CDH12: variants seen among roughly 807,000 people sequenced by gnomAD.
CDH12 encodes the protein cadherin-12.
In CDH12, 41 loss-of-function variants were observed where a neutral mutation model predicts 74.1. That is an observed-to-expected ratio of 0.55 (90% CI 0.43 to 0.72). The LOEUF (loss-of-function observed/expected upper bound fraction) is 0.72, where lower values mean the gene tolerates loss of function less well. Ranked by LOEUF, CDH12 falls within the 30% of genes least tolerant of loss-of-function variation. The pLI, the probability that CDH12 is intolerant of heterozygous loss-of-function variation, is 0.00. For missense variants in CDH12, 945 were observed against 977.2 expected (o/e 0.97, Z 0.44); for synonymous variants, 399 against 355.0 (o/e 1.12, Z -1.39).
intron 4 of CDH12, among the ~76,000 whole-genome samples, chr5:22,203,186 A>G (rs1751019582): frequency 6.6e-6 from 1 of 152,204 alleles, no homozygotes; most frequent in African/African-American, 2.4e-5. Context: ...GCAATGGAAT[A>G]CTAGAACTTA....
At chr5:21,889,978 C>T (rs1752823789) in intron 6 of CDH12, 2 of 282,816 alleles carry the variant, frequency 7.1e-6, no homozygotes, top group Non-Finnish European at 1.1e-5. Context: ...TTCCTTCTTA[C>T]AACTATATTT....
chr5:21,880,467 T>TTTCCTTCCTTCC lies in CDH12; in HGVS notation c.527-25689_527-25678dup, dbSNP rs1207307885. On this transcript the variant is annotated intron_variant, in intron 6 of 14. Transcript: ENST00000382254. ...CCTTCTTTCCTTCCTTCCTTCCTTC[T>TTTCCTTCCTTCC]TTCCTTCCTTCCTTCCTTCCTTCCT... 8.2e-3 allele frequency among the ~76,000 whole-genome samples: 698 copies of TTTCCTTCCTTCC among 84,862 alleles called. 48 individuals are homozygous for TTTCCTTCCTTCC. The highest frequency in any genetic ancestry group is 0.027 in the African/African-American group (585 of 21,890). The allele number at this position is 84,862 out of a possible 152,430, so 55.7% of individuals were successfully genotyped here. A position where few individuals can be genotyped will look rare whatever the true frequency, so the allele number is the denominator to read the frequency against.
At chr5:22,403,509 C>T (rs1409871405) in intron 3 of CDH12, among the ~76,000 whole-genome samples, 1 of 152,148 alleles carries the variant, frequency 6.6e-6, no homozygotes, top group African/African-American at 2.4e-5. Context: ...CAATGTTCTC[C>T]AGATACAGAA....
intron 2 of CDH12, among the ~76,000 whole-genome samples, chr5:22,441,090 G>A (rs1290908740): frequency 4.6e-5 from 7 of 152,184 alleles, no homozygotes; most frequent in African/African-American, 1.7e-4. Context: ...TATATACAGA[G>A]GGCCTACTAT....
intron 3 of CDH12, among the ~76,000 whole-genome samples, chr5:22,222,015 T>TG (rs1017519255): frequency 6.6e-6 from 1 of 151,948 alleles, no homozygotes; most frequent in Non-Finnish European, 1.5e-5. Context: ...CAATATGTGT[T>TG]TAAGTACAAG....
intron 1 of CDH12, among the ~76,000 whole-genome samples, chr5:22,521,579 ATGGTAACCTATT>A (rs1327402450): frequency 3.3e-5 from 5 of 152,204 alleles, no homozygotes; most frequent in African/African-American, 9.6e-5. Context: ...AACTGTTAGA[ATGGTAACCTATT>A]ACATTTAGGT....
At chr5:21,800,656 A>G (rs1747060976) in intron 10 of CDH12, among the ~76,000 whole-genome samples, 1 of 152,176 alleles carries the variant, frequency 6.6e-6, no homozygotes, top group African/African-American at 2.4e-5. Context: ...TACTTAAGTC[A>G]TCCAGTGATA....
intron 1 of CDH12, among the ~76,000 whole-genome samples, chr5:22,691,417 C>T (rs2126943869): frequency 6.6e-6 from 1 of 152,286 alleles, no homozygotes. Flanking sequence ...GGACTAGGAC[C>T]ATGGCTCTGC....
At chr5:22,752,617 T>G (rs4345275) in intron 1 of CDH12, among the ~76,000 whole-genome samples, 22,806 of 22,818 alleles carry the variant, frequency 1, 11,399 homozygotes, top group Middle Eastern at 1. Context: ...TGTCGCCCAG[T>G]CTGGAGTGCA....
At chr5:22,296,992 C>T (rs199626020) in intron 3 of CDH12, among the ~76,000 whole-genome samples, 3 of 31,362 alleles carry the variant, frequency 9.6e-5, no homozygotes, top group Non-Finnish European at 3.0e-4. Flanking sequence ...TTCTTTCTTT[C>T]TTTTTTAATT....
rs1327860029 is a variant in CDH12, at chr5:22,078,640, C to G, written c.37G>C (p.Val13Leu). ...TRNCLSLLLW[V>L]LFDGGLLTPL... ...GTTAGGAGACCTCCATCAAACAGAACCCAGAGAAGCAGGGATAAACAGTTC... is the reference window on the plus strand; with the variant it reads ...GTTAGGAGACCTCCATCAAACAGAAGCCAGAGAAGCAGGGATAAACAGTTC... Residue 13 changes from valine (V) to leucine (L), a missense_variant, in exon 5 of 15, where the codon GTT becomes CTT. Physicochemically the swap from Val to Leu is conservative, Grantham distance 32. Transcript: ENST00000382254. The G allele has an allele frequency of 6.2e-7, 1 of 1,613,594 alleles. No individual in the cohort carries two copies. The highest frequency in any genetic ancestry group is 8.5e-7 in the Non-Finnish European group (1 of 1,179,776).
chr5:22,687,169 C>T (rs2126937505), intron 1 of CDH12, among the ~76,000 whole-genome samples: 1 of 152,228 alleles, frequency 6.6e-6, no homozygotes, highest in East Asian at 1.9e-4. Flanking sequence ...TGGCCTGTGC[C>T]TGTAATCCCA....
rs758427112 is a variant in CDH12 at position 22,438,948 on chromosome 5, CT to C, written c.-427-33598del. On this transcript the variant is annotated intron_variant, in intron 2 of 14. Coordinates refer to ENST00000382254, the MANE Select transcript of CDH12 (RefSeq NM_004061.5). ...TGATAATGTGAAAATGACAATGGGCCTCTAATTTATCTGTGCTGATGACAGA... is the reference window on the plus strand; with the variant it reads ...TGATAATGTGAAAATGACAATGGGCCCTAATTTATCTGTGCTGATGACAGA... Among the ~76,000 whole-genome samples the C allele has an allele frequency of 3.3e-5, 5 of 151,470 alleles. No individual in the cohort carries two copies. In the East Asian group the frequency reaches 9.7e-4, roughly 29 times the overall value.
At chr5:22,807,880 C>T (rs1748896842) in intron 1 of CDH12, among the ~76,000 whole-genome samples, 1 of 152,120 alleles carries the variant, frequency 6.6e-6, no homozygotes, top group African/African-American at 2.4e-5. Flanking sequence ...TGAGACATTA[C>T]TGTACATGAT....
At chr5:22,187,345 A>T (rs1357322932) in intron 4 of CDH12, among the ~76,000 whole-genome samples, 1 of 152,240 alleles carries the variant, frequency 6.6e-6, no homozygotes, top group African/African-American at 2.4e-5. Context: ...AAAAGGCTGC[A>T]ACAGGAAAGC....
chr5:21,996,105 GTTTT>G (rs61516659), intron 5 of CDH12, among the ~76,000 whole-genome samples: 8 of 113,626 alleles, frequency 7.0e-5, no homozygotes, highest in East Asian at 6.1e-4. Context: ...TCACACACAC[GTTTT>G]TTTTTTTTTT....
At chr5:22,718,046 G>A (rs972882006) in intron 1 of CDH12, among the ~76,000 whole-genome samples, 8 of 152,108 alleles carry the variant, frequency 5.3e-5, no homozygotes, top group Non-Finnish European at 8.8e-5. Context: ...TGTGCCTCAT[G>A]CATTTTAAGA....
At chr5:22,643,864 T>C (rs1739294375) in intron 1 of CDH12, among the ~76,000 whole-genome samples, 1 of 150,480 alleles carries the variant, frequency 6.6e-6, no homozygotes. Flanking sequence ...CATTTGGTAA[T>C]TCTCATAATG....
chr5:22,554,026 T>C (rs1738688645), intron 1 of CDH12, among the ~76,000 whole-genome samples: 1 of 152,190 alleles, frequency 6.6e-6, no homozygotes, highest in Admixed American at 6.5e-5. Flanking sequence ...ATATCTACTA[T>C]AATGTCTATA....
Sources: allele counts gnomAD v4.1 joint callset (sites outside exome capture counted in the v4.1 genomes callset), GRCh38; gene constraint gnomAD v4.1.1; transcripts MANE v1.5; gene names NCBI Gene and HGNC (gene_info 2026-07-23, HGNC 2026-07-21).